CFAP68: variants seen among roughly 807,000 people sequenced by gnomAD.
CFAP68 encodes the protein cilia- and flagella-associated protein 68.
At chr11:111,883,786 C>G in the CFAP68 span, 2 of 1,612,286 alleles carry the variant, frequency 1.2e-6, no homozygotes, top group Non-Finnish European at 1.7e-6. Flanking sequence ...AAGCGAGAGC[C>G]TCACTGGTTC....
chr11:111,885,207 C>G, the CFAP68 span: 2 of 149,264 alleles, frequency 1.3e-5, no homozygotes, highest in Admixed American at 1.3e-4. Flanking sequence ...TGGCTGGGCA[C>G]AGTGGCTCAC....
At chr11:111,881,172 C>A in the CFAP68 span, 3 of 1,259,998 alleles carry the variant, frequency 2.4e-6, no homozygotes, top group Non-Finnish European at 3.0e-6. Context: ...AGGCTTCTGG[C>A]TTGGACAACT....
chr11:111,882,398 CCA>C, the CFAP68 span: 1 of 1,614,162 alleles, frequency 6.2e-7, no homozygotes, highest in Non-Finnish European at 8.5e-7. Context: ...CCTCACAAAC[CCA>C]CACTGTGGCA....
At chr11:111,881,412 G>A in the CFAP68 span, 6 of 1,530,584 alleles carry the variant, frequency 3.9e-6, no homozygotes, top group South Asian at 7.2e-5. Context: ...CTGTGGAAAG[G>A]CAAGTGGGTG....
the CFAP68 span, chr11:111,880,651 A>T: frequency 5.1e-6 from 2 of 390,046 alleles, no homozygotes; most frequent in South Asian, 3.7e-5. Context: ...ATAATCAACA[A>T]CCATAAAAAT....
chr11:111,883,685 A>G, the CFAP68 span: 20 of 909,368 alleles, frequency 2.2e-5, no homozygotes, highest in Non-Finnish European at 3.2e-5. Flanking sequence ...TCTATTCCCT[A>G]GAAATAAGAG....
the CFAP68 span, chr11:111,883,911 CTTAATA>C: frequency 1.4e-6 from 2 of 1,411,092 alleles, no homozygotes; most frequent in Non-Finnish European, 2.0e-6. Flanking sequence ...TGTATAAGAT[CTTAATA>C]TTGACTAGTT....
the CFAP68 span, chr11:111,882,300 G>A: frequency 8.8e-4 from 1,185 of 1,343,962 alleles, 15 homozygotes; most frequent in South Asian, 0.014. Context: ...TAAAACAAGG[G>A]CAGGAAAAGA....
At chr11:111,881,640 C>A in the CFAP68 span, 1 of 1,502,470 alleles carries the variant, frequency 6.7e-7, no homozygotes. Context: ...AGTCAGGGGG[C>A]CAGACTCACA....
the CFAP68 span, chr11:111,883,018 A>G: frequency 3.4e-4 from 277 of 810,182 alleles, no homozygotes; most frequent in Middle Eastern, 1.7e-3. Flanking sequence ...GACTAACACC[A>G]TAGAACTCAG....
At chr11:111,881,830 C>A in the CFAP68 span, among the ~76,000 whole-genome samples, 1 of 152,094 alleles carries the variant, frequency 6.6e-6, no homozygotes, top group Non-Finnish European at 1.5e-5. Context: ...AGATATAATG[C>A]AGACTTAAAG....
At chr11:111,881,036 A>C in the CFAP68 span, 1 of 350,646 alleles carries the variant, frequency 2.9e-6, no homozygotes, top group Non-Finnish European at 5.0e-6. Context: ...TAATGGAGAC[A>C]AAGCTGACAG....
At chr11:111,879,697 G>A in the CFAP68 span, 2 of 1,398,234 alleles carry the variant, frequency 1.4e-6, no homozygotes, top group East Asian at 2.3e-5. Flanking sequence ...ACGATATGTG[G>A]ATGAACAAAA....
chr11:111,881,614 A>G, the CFAP68 span: 1 of 1,532,320 alleles, frequency 6.5e-7, no homozygotes, highest in Non-Finnish European at 8.7e-7. Context: ...TCTTCAGGAA[A>G]GGTATCATCT....
At chr11:111,880,624 C>T in the CFAP68 span, 2 of 323,802 alleles carry the variant, frequency 6.2e-6, no homozygotes, top group African/African-American at 4.4e-5. Context: ...TGAATTAATC[C>T]ACCCCTTGTT....
chr11:111,879,617 T>G, the CFAP68 span: 3 of 1,610,624 alleles, frequency 1.9e-6, no homozygotes, highest in Non-Finnish European at 2.5e-6. Flanking sequence ...TGCTTAAATC[T>G]CCTATCTTCT....
At chr11:111,882,701 A>G in the CFAP68 span, 1 of 1,096,302 alleles carries the variant, frequency 9.1e-7, no homozygotes, top group South Asian at 1.7e-5. Context: ...TGGTGCAGTG[A>G]TCTCTCAGTT....
chr11:111,883,228 T>C, the CFAP68 span: 1 of 1,535,786 alleles, frequency 6.5e-7, no homozygotes, highest in African/African-American at 1.4e-5. Flanking sequence ...TTTCAAATTC[T>C]TACATTTTCA....
At chr11:111,879,661 C>T in the CFAP68 span, 4 of 1,557,148 alleles carry the variant, frequency 2.6e-6, no homozygotes, top group South Asian at 1.1e-5. Context: ...GTGTCTATTG[C>T]GTGCCAGGCC....
Sources: gnomAD v4.1 joint callset for allele counts (sites outside exome capture counted in the v4.1 genomes callset) on GRCh38, gnomAD v4.1.1 for gene constraint, MANE v1.5 for transcripts, NCBI Gene and HGNC (gene_info 2026-07-23, HGNC 2026-07-21) for gene names.